KIAA1671: variants seen among roughly 807,000 people sequenced by gnomAD.
KIAA1671 encodes the protein KIAA1671, also known as uncharacterized protein KIAA1671.
In KIAA1671, 52 loss-of-function variants were observed where a neutral mutation model predicts 131.2. The observed-to-expected ratio is 0.40, with a 90% CI of 0.32 to 0.50. KIAA1671 has a LOEUF of 0.50. Among genes scored for constraint, KIAA1671 ranks in the 20% least tolerant of loss-of-function variants. KIAA1671 has a pLI of 0.73. For synonymous variants in KIAA1671, 1,003 were observed against 961.6 expected, an observed-to-expected ratio of 1.04 and a Z score of -0.80; for missense variants, 2,360 against 2,364.2, an observed-to-expected ratio of 1.00 and a Z score of 0.04.
chr22:25,128,404 T>C (rs539195671), intron 6 of KIAA1671, among the ~76,000 whole-genome samples: 1 of 152,336 alleles, frequency 6.6e-6, no homozygotes, highest in South Asian at 2.1e-4. Context: ...GTTGGGTGGA[T>C]GATGAGGGCC....
chr22:24,953,477 C>G (rs964325645), intron 1 of KIAA1671, among the ~76,000 whole-genome samples: 1 of 152,066 alleles, frequency 6.6e-6, no homozygotes, highest in Non-Finnish European at 1.5e-5. Flanking sequence ...GACACGTCCT[C>G]TCGGCCTGGC....
rs368143559 is a variant in KIAA1671, at chr22:25,070,082, C to T, written c.4530+20718C>T. 2.7e-5 allele frequency: 9 copies of T among 334,080 alleles called. No individual in the cohort carries two copies. The Middle Eastern group carries it at 3.1e-3, about 115-fold the overall frequency. 20.7% of individuals were successfully genotyped at this position (334,080 alleles called of 1,614,324 possible). ...GCTCCCGGGAGGGTGAGGGTCCAGGCAGCTGGGTTCAGAAGGATCCACCCC... is the reference window on the plus strand; with the variant it reads ...GCTCCCGGGAGGGTGAGGGTCCAGGTAGCTGGGTTCAGAAGGATCCACCCC... On this transcript the variant is annotated intron_variant, in intron 6 of 12. Transcript: ENST00000358431.
intron 12 of KIAA1671, among the ~76,000 whole-genome samples, chr22:25,191,812 C>T (rs1934679903): frequency 6.6e-6 from 1 of 152,116 alleles, no homozygotes; most frequent in Admixed American, 6.5e-5. Context: ...GAAAGCCCTG[C>T]AAAACAAAGC....
intron 6 of KIAA1671, among the ~76,000 whole-genome samples, chr22:25,090,875 G>A (rs941328764): frequency 3.3e-5 from 5 of 152,168 alleles, no homozygotes; most frequent in Admixed American, 2.0e-4. Context: ...GGAATTCCAT[G>A]CTGTGAATGT....
At chr22:24,987,732 C>A (rs1204402804) in intron 1 of KIAA1671, among the ~76,000 whole-genome samples, 1 of 152,222 alleles carries the variant, frequency 6.6e-6, no homozygotes, top group East Asian at 1.9e-4. Flanking sequence ...GCAGGGATTA[C>A]AGGTGTGCAC....
In KIAA1671 at chr22:25,039,984, T is replaced by C. The variant is rs1385499587; in HGVS notation, c.2854T>C (p.Leu952=). The C allele has an allele frequency of 1.5e-5, 24 of 1,551,108 alleles. No homozygotes were observed. Among genetic ancestry groups the C allele is most frequent in the Non-Finnish European group, 1.9e-5 (22 of 1,146,724 alleles). Residue 952 remains leucine (L), a synonymous_variant, in exon 5 of 13, where the codon TTA becomes CTA. Coordinates refer to ENST00000358431, the MANE Select transcript of KIAA1671 (RefSeq NM_001145206.2). ...AATGGACAGATGGCGGCGGCGGACT[T>C]TACCCCCCAACGTGAAATTTGATAC... The part of the protein sequence containing the change: ...QRMDRWRRRT[L]PPNVKFDTFS...
chr22:25,028,801 C>T lies in KIAA1671; in HGVS notation c.802C>T (p.Pro268Ser). The change falls in exon 3 of 13, where the codon CCA (proline) becomes TCA (serine). Residue 268 changes from proline (P) to serine (S), a missense_variant. Coordinates refer to ENST00000358431, the MANE Select transcript of KIAA1671 (RefSeq NM_001145206.2). Reference protein sequence around the residue: ...PGAAATVGKVPPTPPEKTWVR... With the variant: ...PGAAATVGKVSPTPPEKTWVR... ...CGCAGCGGCCACAGTGGGCAAAGTG[C>T]CACCCACCCCTCCCGAGAAGACGTG... The T allele has an allele frequency of 6.4e-7, 1 of 1,551,084 alleles. No individual in the cohort carries two copies. Among genetic ancestry groups the T allele is most frequent in the South Asian group, 1.2e-5 (1 of 84,032 alleles).
chr22:25,065,965 G>A (rs919882220), intron 6 of KIAA1671, among the ~76,000 whole-genome samples: 2 of 152,194 alleles, frequency 1.3e-5, no homozygotes, highest in South Asian at 2.1e-4. Flanking sequence ...AAGAAACAGA[G>A]ATGTATTTCT....
chr22:25,058,466 AAT>A (rs1383611802), intron 6 of KIAA1671: 1 of 152,102 alleles, frequency 6.6e-6, no homozygotes, highest in Non-Finnish European at 1.5e-5. Context: ...GGCAATCTTG[AAT>A]AGTCTTGGTC....
chr22:25,028,542 GCCC>G lies in KIAA1671; in HGVS notation c.544_546del (p.Pro182del). On this transcript the variant is annotated inframe_deletion, in exon 3 of 13. Transcript: ENST00000358431. ...GCTCCCGGCCTGAGGTGGCTGCCAAGCCCGCCCTGCCCACCCAGAAGCCTGCGG... is the reference window on the plus strand; with the variant it reads ...GCTCCCGGCCTGAGGTGGCTGCCAAGGCCCTGCCCACCCAGAAGCCTGCGG... The G allele has an allele frequency of 6.5e-7, 1 of 1,539,612 alleles. No homozygotes were observed. Among genetic ancestry groups the G allele is most frequent in the Non-Finnish European group, 8.8e-7 (1 of 1,137,318 alleles).
In KIAA1671 at chr22:25,118,836, C is replaced by T. The variant is rs369292035; in HGVS notation, c.4531-51984C>T. ...GCCCCTCTGACCTCCTGCTCTTCGT[C>T]AGTCACCCCCTGCTCCTTCCAGACG... On this transcript the variant is annotated intron_variant, in intron 6 of 12. Coordinates refer to ENST00000358431, the MANE Select transcript of KIAA1671 (RefSeq NM_001145206.2). Among the ~76,000 whole-genome samples the T allele has an allele frequency of 1.2e-4, 18 of 152,288 alleles. No individual in the cohort carries two copies. The East Asian group carries it at 2.9e-3, about 24-fold the overall frequency.
chr22:25,117,785 G>T (rs1931751015), intron 6 of KIAA1671, among the ~76,000 whole-genome samples: 1 of 152,042 alleles, frequency 6.6e-6, no homozygotes, highest in Non-Finnish European at 1.5e-5. Context: ...CACAAACTTG[G>T]TGGCTTAAAT....
chr22:25,041,310 C>T lies in KIAA1671; in HGVS notation c.4180C>T (p.His1394Tyr). The change falls in exon 5 of 13, where the codon CAC becomes TAC. Residue 1394 changes from histidine (H) to tyrosine (Y), a missense_variant. Physicochemically the swap from His to Tyr is moderately conservative, Grantham distance 83 (BLOSUM62 2). This residue lies in a region of KIAA1671 where 1,161 missense variants were observed against 1,204.7 expected (regional missense o/e 0.96). Coordinates refer to ENST00000358431, the MANE Select transcript of KIAA1671 (RefSeq NM_001145206.2). ...EEDSVAQWGD[H>Y]PRDCGRVPLD... is the part of the protein sequence containing the mutation. The stretch of plus-strand genomic sequence containing the variant: ...GGACAGTGTGGCCCAGTGGGGTGAC[C>T]ACCCACGTGACTGTGGACGGGTGCC... 1.3e-6 allele frequency: 2 copies of T among 1,551,674 alleles called. No individual in the cohort carries two copies. The highest frequency in any genetic ancestry group is 2.0e-5 in the Admixed American group (1 of 51,000).
chr22:24,958,509 G>T (rs1288689048), intron 1 of KIAA1671, among the ~76,000 whole-genome samples: 6 of 151,582 alleles, frequency 4.0e-5, no homozygotes, highest in African/African-American at 1.5e-4. Flanking sequence ...AATCAGCCAG[G>T]CGTGGTGGTG....
rs549499342 is a variant in KIAA1671 at position 25,116,583 on chromosome 22, G to A, written c.4531-54237G>A. Among the ~76,000 whole-genome samples the A allele has an allele frequency of 3.2e-4, 49 of 151,726 alleles. 1 individual carries two copies. The highest frequency in any genetic ancestry group is 2.6e-3 in the Admixed American group (39 of 15,234). ...ACTGCAGGCGTGTTCCACCACACCC[G>A]GCTAATTTTTGTATTTTTAGTAGAG... On this transcript the variant is annotated intron_variant, in intron 6 of 12. Coordinates refer to ENST00000358431, the MANE Select transcript of KIAA1671 (RefSeq NM_001145206.2).
At chr22:25,025,397 G>A (rs1925891818) in intron 1 of KIAA1671, among the ~76,000 whole-genome samples, 1 of 152,120 alleles carries the variant, frequency 6.6e-6, no homozygotes, top group Non-Finnish European at 1.5e-5. Flanking sequence ...CACCGTAGGT[G>A]CTTAATAAAT....
At chr22:24,967,350 T>C (rs1006497271) in intron 1 of KIAA1671, among the ~76,000 whole-genome samples, 2 of 152,166 alleles carry the variant, frequency 1.3e-5, no homozygotes, top group Non-Finnish European at 2.9e-5. Context: ...CTCAATGTCA[T>C]AAGCTTGGGG....
intron 6 of KIAA1671, chr22:25,062,384 C>T (rs1568934924): frequency 1.3e-5 from 2 of 152,330 alleles, no homozygotes; most frequent in Non-Finnish European, 1.5e-5. Flanking sequence ...GCCCAGGGAT[C>T]ACTCTCTAGC....
chr22:25,088,729 G>A (rs1646469283), intron 6 of KIAA1671, among the ~76,000 whole-genome samples: 1 of 152,096 alleles, frequency 6.6e-6, no homozygotes, highest in Non-Finnish European at 1.5e-5. Context: ...AAGAGAAATT[G>A]GTCTCCCTGC....
Sources: gnomAD v4.1 joint callset for allele counts (sites outside exome capture counted in the v4.1 genomes callset) on GRCh38, gnomAD v4.1.1 for gene constraint, gnomAD v4.1.1 regional missense constraint, MANE v1.5 for transcripts, NCBI Gene and HGNC (gene_info 2026-07-23, HGNC 2026-07-21) for gene names.